The following XYLT1 variants were observed in gnomAD, a reference collection of about 807,000 sequenced individuals.
XYLT1 encodes beta-D-xylosyltransferase 1.
Under a neutral mutation model 91.3 loss-of-function variants are expected in XYLT1, and 36 were observed. The observed-to-expected ratio is 0.39, with a 90% CI of 0.30 to 0.52. The LOEUF (loss-of-function observed/expected upper bound fraction) is 0.52. Ranked by LOEUF, XYLT1 falls within the 20% of genes least tolerant of loss-of-function variation. XYLT1 has a pLI of 0.68. For synonymous variants in XYLT1, 588 were observed against 532.0 expected, an observed-to-expected ratio of 1.11 and a Z score of -1.45; for missense variants, 1,242 against 1,284.5, an observed-to-expected ratio of 0.97 and a Z score of 0.51.
intron 1 of XYLT1, among the ~76,000 whole-genome samples, chr16:17,417,848 A>AT (rs1166878684): frequency 1.3e-5 from 2 of 152,140 alleles, no homozygotes; most frequent in Non-Finnish European, 2.9e-5. Context: ...CTCTTAGAAT[A>AT]TTTACTCTGG....
At chr16:17,131,988 G>T (rs532440594) in intron 9 of XYLT1, among the ~76,000 whole-genome samples, 1 of 150,920 alleles carries the variant, frequency 6.6e-6, no homozygotes. Flanking sequence ...CCTGGCTCGA[G>T]GCAACGTGAC....
intron 2 of XYLT1, among the ~76,000 whole-genome samples, chr16:17,345,220 T>G (rs922254244): frequency 1.3e-5 from 2 of 152,254 alleles, no homozygotes; most frequent in Admixed American, 6.5e-5. Context: ...AGTTCATCTC[T>G]GAACTGCACG....
In XYLT1 at chr16:17,320,311, G is replaced by A. The variant is rs565870428; in HGVS notation, c.402+37701C>T. On this transcript the variant is annotated intron_variant, in intron 2 of 11. Coordinates refer to ENST00000261381, the MANE Select transcript of XYLT1 (RefSeq NM_022166.4). ...AGGCTTGATGAGGGGATGGGTGAAA[G>A]TTTGGCATTCCCTCCAATCTATCGC... Among the ~76,000 whole-genome samples, 3 of 152,228 alleles carry A rather than the reference G, an allele frequency of 2.0e-5. No individual in the cohort carries two copies. In the East Asian group the frequency reaches 5.8e-4, roughly 29 times the overall value.
chr16:17,216,153 C>A (rs4782021), intron 3 of XYLT1, among the ~76,000 whole-genome samples: 12,250 of 152,214 alleles, frequency 0.08, 633 homozygotes, highest in Middle Eastern at 0.16. Context: ...GCCTTCCTGT[C>A]GCTTGACATT....
intron 1 of XYLT1, among the ~76,000 whole-genome samples, chr16:17,414,649 G>C (rs1373118449): frequency 2.0e-5 from 3 of 152,130 alleles, no homozygotes; most frequent in Admixed American, 6.5e-5. Context: ...TGAGCAAAAG[G>C]GCATTTCTGC....
chr16:17,379,989 C>T (rs2035659371), intron 1 of XYLT1, among the ~76,000 whole-genome samples: 3 of 152,092 alleles, frequency 2.0e-5, no homozygotes, highest in Non-Finnish European at 4.4e-5. Context: ...GGCAACAATG[C>T]TAAGAGGTGG....
intron 5 of XYLT1, among the ~76,000 whole-genome samples, chr16:17,161,272 T>C (rs2031543574): frequency 6.6e-6 from 1 of 152,070 alleles, no homozygotes; most frequent in South Asian, 2.1e-4. Flanking sequence ...CATGAAATCG[T>C]CTCAAAAGAT....
chr16:17,277,096 C>T (rs915949101), intron 2 of XYLT1, among the ~76,000 whole-genome samples: 1 of 152,176 alleles, frequency 6.6e-6, no homozygotes, highest in Non-Finnish European at 1.5e-5. Flanking sequence ...CTGCTCCTAT[C>T]GAGCTTATAT....
intron 1 of XYLT1, among the ~76,000 whole-genome samples, chr16:17,379,757 T>TTTCA (rs1555501187): frequency 1.8e-4 from 24 of 129,990 alleles, no homozygotes; most frequent in African/African-American, 7.7e-4. Flanking sequence ...TCTCTCTCTC[T>TTTCA]CTCTCTCACA....
rs1244307316 is a variant in XYLT1, at chr16:17,102,444, G to C, written c.*6251C>G. The C allele has an allele frequency of 6.6e-6, 1 of 152,500 alleles. No homozygotes were observed. Among genetic ancestry groups the C allele is most frequent in the Non-Finnish European group, 1.5e-5 (1 of 68,024 alleles). 9.4% of individuals were successfully genotyped at this position (152,500 alleles called of 1,614,324 possible). On this transcript the variant is annotated 3_prime_UTR_variant, in exon 12 of 12. Coordinates refer to ENST00000261381, the MANE Select transcript of XYLT1 (RefSeq NM_022166.4). ...TGATACAGTATTTAATACATCCACT[G>C]TTTTCTGCAAAAAATGTTGCTTTGT...
Position 17,166,677 on chromosome 16 carries a change from A to ATT in XYLT1, c.1290-7770_1290-7769dup, listed in dbSNP as rs34758469. Among the ~76,000 whole-genome samples, 373 of 144,168 alleles carry ATT rather than the reference A, an allele frequency of 2.6e-3. 2 individuals are homozygous for ATT. Among genetic ancestry groups the ATT allele is most frequent in the African/African-American group, 8.6e-3 (336 of 39,214 alleles). 94.6% of individuals were successfully genotyped at this position (144,168 alleles called of 152,430 possible). ...TAGGCGTGCACCACAATGTCCAGCT[A>ATT]TTTTTTTTTTTTTTTGGTATTTTTA... On this transcript the variant is annotated intron_variant, in intron 5 of 11. Transcript: ENST00000261381.
chr16:17,129,439 T>C (rs2030389188), intron 9 of XYLT1, among the ~76,000 whole-genome samples: 2 of 152,084 alleles, frequency 1.3e-5, no homozygotes, highest in South Asian at 4.2e-4. Context: ...TTTTTGTATT[T>C]TTAGTAGAGA....
At chr16:17,185,436 A>C (rs981005132) in intron 5 of XYLT1, among the ~76,000 whole-genome samples, 1 of 152,212 alleles carries the variant, frequency 6.6e-6, no homozygotes, top group Non-Finnish European at 1.5e-5. Flanking sequence ...CTCAGGAAGC[A>C]GAGTGTGTGT....
intron 6 of XYLT1, among the ~76,000 whole-genome samples, chr16:17,141,835 C>A (rs1193284733): frequency 6.6e-6 from 1 of 152,228 alleles, no homozygotes; most frequent in Non-Finnish European, 1.5e-5. Flanking sequence ...TAAAAATCCA[C>A]CAAAGTTCTG....
intron 2 of XYLT1, among the ~76,000 whole-genome samples, chr16:17,313,348 A>G (rs566071437): frequency 6.6e-6 from 1 of 152,300 alleles, no homozygotes; most frequent in South Asian, 2.1e-4. Context: ...GACAGACAGG[A>G]CATCCAGTAA....
At chr16:17,423,535 C>T (rs553823110) in intron 1 of XYLT1, among the ~76,000 whole-genome samples, 1 of 152,180 alleles carries the variant, frequency 6.6e-6, no homozygotes, top group Non-Finnish European at 1.5e-5. Context: ...GACAATCCCA[C>T]GTGCTGTCCT....
At chr16:17,445,688 C>T (rs939516587) in intron 1 of XYLT1, 3 of 152,358 alleles carry the variant, frequency 2.0e-5, no homozygotes, top group East Asian at 1.9e-4. Context: ...CTGATTAACA[C>T]GCGTGGAGGG....
At chr16:17,368,454 T>C (rs1373339685) in intron 1 of XYLT1, among the ~76,000 whole-genome samples, 2 of 152,036 alleles carry the variant, frequency 1.3e-5, no homozygotes, top group Non-Finnish European at 2.9e-5. Flanking sequence ...ATTGGTTAAG[T>C]CCTTATGAGA....
chr16:17,324,960 C>A (rs547884280), intron 2 of XYLT1, among the ~76,000 whole-genome samples: 1 of 151,042 alleles, frequency 6.6e-6, no homozygotes, highest in Admixed American at 6.6e-5. Context: ...TATCATAACA[C>A]GAGTTATAGC....
Sources: gnomAD v4.1 joint callset for allele counts (sites outside exome capture counted in the v4.1 genomes callset) on GRCh38, gnomAD v4.1.1 for gene constraint, MANE v1.5 for transcripts, NCBI Gene and HGNC (gene_info 2026-07-23, HGNC 2026-07-21) for gene names.